Variants in C2orf42 observed in about 807,000 individuals in gnomAD.
The protein encoded by C2orf42 is chromosome 2 open reading frame 42.
In C2orf42, 44 loss-of-function variants were observed where a neutral mutation model predicts 58.9. That is an observed-to-expected ratio of 0.75 (90% CI 0.59 to 0.96). The LOEUF (loss-of-function observed/expected upper bound fraction) is 0.96. Among genes scored for constraint, C2orf42 ranks in the 40% least tolerant of loss-of-function variants. C2orf42 has a pLI of 0.00. For missense variants in C2orf42, 630 were observed against 699.2 expected, an observed-to-expected ratio of 0.90 and a Z score of 1.12; for synonymous variants, 239 against 265.4, an observed-to-expected ratio of 0.90 and a Z score of 0.97.
At chr2:70,179,400 T>C (rs1174354422) in intron 4 of C2orf42, 132 bp downstream of exon 4, 31 of 333,076 alleles carry the variant, frequency 9.3e-5, no homozygotes, top group Non-Finnish European at 1.2e-4. Flanking sequence ...AAGACCCCTG[T>C]CTCTTTATTT....
chr2:70,176,753 T>G (rs1357176197), intron 4 of C2orf42, among the ~76,000 whole-genome samples: 4 of 152,044 alleles, frequency 2.6e-5, no homozygotes, highest in Admixed American at 1.3e-4. Context: ...CTCAGCTTCC[T>G]GAGTAGCTGG....
At chr2:70,176,837 C>T (rs1401697653) in intron 4 of C2orf42, among the ~76,000 whole-genome samples, 1 of 152,108 alleles carries the variant, frequency 6.6e-6, no homozygotes, top group African/African-American at 2.4e-5. Flanking sequence ...GGTAAAGTGG[C>T]TTTACCATGG....
intron 1 of C2orf42, among the ~76,000 whole-genome samples, chr2:70,183,953 A>G (rs879426853): frequency 1.1e-4 from 17 of 151,992 alleles, no homozygotes; most frequent in Admixed American, 4.6e-4. Flanking sequence ...CTATAGGTAC[A>G]TGCTGCCATG....
intron 1 of C2orf42, among the ~76,000 whole-genome samples, chr2:70,189,941 AAG>A (rs1675229824): frequency 6.7e-6 from 1 of 149,856 alleles, no homozygotes; most frequent in African/African-American, 2.5e-5. Flanking sequence ...ACTCTTTTAA[AAG>A]AAAAAAAAAA....
At chr2:70,162,005 CTTTTTCTT>C (rs1227945885) in intron 8 of C2orf42, among the ~76,000 whole-genome samples, 3 of 151,912 alleles carry the variant, frequency 2.0e-5, no homozygotes, top group African/African-American at 7.2e-5. Context: ...CCAGGCCTCA[CTTTTTCTT>C]TTTTTCTTTT....
chr2:70,189,181 CG>C (rs1248843936), intron 1 of C2orf42, among the ~76,000 whole-genome samples: 7 of 145,582 alleles, frequency 4.8e-5, no homozygotes, highest in Admixed American at 2.7e-4. Context: ...GCGAGGCAGG[CG>C]GATCACCTGA....
Position 70,181,885 on chromosome 2 carries a change from T to C in C2orf42, c.101A>G (p.Tyr34Cys). ...GIRKCPRCGT[Y>C]NGTRGLSCKN... is the part of the protein sequence containing the mutation. ...ACAGCTCAGTCCCCGGGTTCCATTG[T>C]ATGTGCCACATCGGGGACACTTTCT... Residue 34 changes from tyrosine (Y) to cysteine (C), a missense_variant, in exon 3 of 10, where the codon TAC becomes TGC. Tyr to Cys is a radical substitution (Grantham distance 194, BLOSUM62 -2). Coordinates refer to ENST00000264434, the MANE Select transcript of C2orf42 (RefSeq NM_017880.3). The C allele has an allele frequency of 6.2e-7, 1 of 1,613,942 alleles. No individual in the cohort carries two copies. The highest frequency in any genetic ancestry group is 8.5e-7 in the Non-Finnish European group (1 of 1,179,830).
At chr2:70,158,153 C>T (rs1256197539) in intron 9 of C2orf42, among the ~76,000 whole-genome samples, 3 of 150,578 alleles carry the variant, frequency 2.0e-5, no homozygotes, top group African/African-American at 4.9e-5. Flanking sequence ...GAGCCAGGAT[C>T]GCACTGCTGC....
intron 6 of C2orf42, among the ~76,000 whole-genome samples, chr2:70,166,782 C>T (rs564551575): frequency 3.3e-5 from 5 of 152,250 alleles, no homozygotes; most frequent in Admixed American, 3.3e-4. Context: ...CAACACAGCA[C>T]AGACTTTCCC....
chr2:70,156,892 T>A (rs1275771650), intron 9 of C2orf42, among the ~76,000 whole-genome samples: 1 of 150,900 alleles, frequency 6.6e-6, no homozygotes, highest in East Asian at 1.9e-4. Flanking sequence ...ATTTAAAAAA[T>A]TAAAAGAATA....
intron 1 of C2orf42, among the ~76,000 whole-genome samples, chr2:70,183,769 T>C (rs1488590953): frequency 6.6e-6 from 1 of 151,258 alleles, no homozygotes; most frequent in African/African-American, 2.4e-5. Context: ...CTATGTTATA[T>C]AATTGGTCAA....
intron 5 of C2orf42, among the ~76,000 whole-genome samples, chr2:70,171,613 C>T (rs1016539523): frequency 2.0e-5 from 3 of 151,960 alleles, no homozygotes; most frequent in Admixed American, 1.3e-4. Context: ...CGGGTTCAGG[C>T]GATTCTCCTG....
chr2:70,186,414 T>C (rs1170752349), intron 1 of C2orf42, among the ~76,000 whole-genome samples: 3 of 145,332 alleles, frequency 2.1e-5, no homozygotes, highest in African/African-American at 7.9e-5. Flanking sequence ...CATATCAAAG[T>C]GGAAAAAAAC....
In C2orf42 at chr2:70,150,196, T is replaced by G. The variant is rs910609408; in HGVS notation, c.*160A>C. ...TCAAAAAGGCTATTTACAAGAGATT[T>G]TCTTCAACAGAATCCACTTGAAAGC... On this transcript the variant is annotated 3_prime_UTR_variant, in exon 10 of 10. Coordinates refer to ENST00000264434, the MANE Select transcript of C2orf42 (RefSeq NM_017880.3). 1.6e-5 allele frequency: 10 copies of G among 633,054 alleles called. No homozygotes were observed. The highest frequency in any genetic ancestry group is 3.6e-5 in the African/African-American group (2 of 54,832). 39.2% of individuals were successfully genotyped at this position (633,054 alleles called of 1,614,324 possible).
Position 70,181,693 on chromosome 2 carries a change from G to A in C2orf42, c.293C>T (p.Thr98Ile). ...CFVELGVSET[T>I]IQTVDGTIIT... ...GATCGTCCCATCCACTGTCTGGATT[G>A]TTGTCTCTGAAACCCCGAGCTCCAC... The change falls in exon 3 of 10, where the codon ACA becomes ATA. Residue 98 changes from threonine to isoleucine, a missense_variant. Thr to Ile is a moderately conservative substitution (Grantham distance 89, BLOSUM62 -1). Coordinates refer to ENST00000264434, the MANE Select transcript of C2orf42 (RefSeq NM_017880.3). 6.2e-7 allele frequency: 1 copy of A among 1,614,204 alleles called. No individual in the cohort carries two copies. Among genetic ancestry groups the A allele is most frequent in the Middle Eastern group, 1.6e-4 (1 of 6,062 alleles).
intron 9 of C2orf42, among the ~76,000 whole-genome samples, chr2:70,156,519 G>A (rs1440277192): frequency 6.6e-6 from 1 of 151,656 alleles, no homozygotes; most frequent in Non-Finnish European, 1.5e-5. Flanking sequence ...CATTAAAACA[G>A]TGTCACAAAA....
At chr2:70,166,854 C>T (rs11694801) in intron 6 of C2orf42, among the ~76,000 whole-genome samples, 22,945 of 152,080 alleles carry the variant, frequency 0.15, 2,792 homozygotes, top group African/African-American at 0.33. Context: ...GCTGCCTCCA[C>T]TTGATTCCCT....
chr2:70,151,589 G>A (rs753310829), intron 9 of C2orf42, among the ~76,000 whole-genome samples: 7 of 151,632 alleles, frequency 4.6e-5, no homozygotes, highest in Non-Finnish European at 5.9e-5. Context: ...AGCCAAGATC[G>A]CACCACTTCA....
intron 9 of C2orf42, among the ~76,000 whole-genome samples, chr2:70,160,179 G>A (rs775038281): frequency 7.6e-5 from 11 of 144,572 alleles, no homozygotes; most frequent in South Asian, 2.3e-4. Flanking sequence ...TCACTCTGCC[G>A]CCCAGGCTGG....
Sources: gnomAD v4.1 joint callset for allele counts (sites outside exome capture counted in the v4.1 genomes callset) on GRCh38, gnomAD v4.1.1 for gene constraint, MANE v1.5 for transcripts, NCBI Gene and HGNC (gene_info 2026-07-23, HGNC 2026-07-21) for gene names.